VKORC1L1: variants seen among roughly 807,000 people sequenced by gnomAD.
VKORC1L1 encodes the protein vitamin K epoxide reductase complex subunit 1-like protein 1.
A neutral mutation model predicts 18.9 loss-of-function variants in VKORC1L1; 2 were observed. That is an observed-to-expected ratio of 0.11 (90% CI 0.04 to 0.33). The LOEUF (loss-of-function observed/expected upper bound fraction) is 0.33. Among genes scored for constraint, VKORC1L1 ranks in the 10% least tolerant of loss-of-function variants. The pLI, the probability that VKORC1L1 is intolerant of heterozygous loss-of-function variation, is 1.00. For synonymous variants in VKORC1L1, 96 were observed against 100.0 expected (o/e 0.96, Z 0.24); for missense variants, 123 against 224.1 (o/e 0.55, Z 2.88).
intron 1 of VKORC1L1, among the ~76,000 whole-genome samples, chr7:65,874,028 T>A (rs1304488303): frequency 6.6e-6 from 1 of 151,976 alleles, no homozygotes; most frequent in Admixed American, 6.5e-5. Flanking sequence ...AGCCGAGGCT[T>A]TGGGGCCGGC....
At chr7:65,895,731 C>T (rs1158886611) in intron 1 of VKORC1L1, among the ~76,000 whole-genome samples, 1 of 151,270 alleles carries the variant, frequency 6.6e-6, no homozygotes, top group Non-Finnish European at 1.5e-5. Context: ...AGCATCAGAT[C>T]ACTGGCACAG....
At chr7:65,927,226 G>A (rs1389130596) in intron 1 of VKORC1L1, among the ~76,000 whole-genome samples, 1 of 152,120 alleles carries the variant, frequency 6.6e-6, no homozygotes, top group African/African-American at 2.4e-5. Flanking sequence ...GACAAAGGTT[G>A]CAGTGAGCCA....
chr7:65,879,832 TTTTTC>T (rs1437907106), intron 1 of VKORC1L1, among the ~76,000 whole-genome samples: 11 of 151,788 alleles, frequency 7.2e-5, no homozygotes, highest in Non-Finnish European at 1.3e-4. Flanking sequence ...CTTTCCTTTT[TTTTTC>T]TTTCCTTTCT....
At chr7:65,875,418 A>T (rs1372273478) in intron 1 of VKORC1L1, among the ~76,000 whole-genome samples, 1 of 151,888 alleles carries the variant, frequency 6.6e-6, no homozygotes. Flanking sequence ...GCTGAAAGAC[A>T]CTTTTCTTTT....
chr7:65,941,767 C>T (rs1376412469), intron 1 of VKORC1L1, among the ~76,000 whole-genome samples: 3 of 144,520 alleles, frequency 2.1e-5, no homozygotes, highest in Non-Finnish European at 4.5e-5. Context: ...ACCTCTCCCT[C>T]TCGGGTTCAA....
At chr7:65,920,944 A>G (rs1194007918) in intron 1 of VKORC1L1, among the ~76,000 whole-genome samples, 1 of 152,140 alleles carries the variant, frequency 6.6e-6, no homozygotes, top group Non-Finnish European at 1.5e-5. Context: ...GAAGAAAGAA[A>G]GAAAGTTAAA....
chr7:65,871,671 A>G (rs762929728), upstream of VKORC1L1, among the ~76,000 whole-genome samples: 1 of 152,094 alleles, frequency 6.6e-6, no homozygotes, highest in South Asian at 2.1e-4. Flanking sequence ...AAGAGGTGCA[A>G]GTGGACAGGA....
At chr7:65,876,234 G>A (rs1348567558) in intron 1 of VKORC1L1, among the ~76,000 whole-genome samples, 5 of 152,070 alleles carry the variant, frequency 3.3e-5, no homozygotes, top group Non-Finnish European at 7.4e-5. Context: ...CAATTTGAAA[G>A]AACAGAATCT....
chr7:65,889,611 C>T (rs1338523253), intron 1 of VKORC1L1, among the ~76,000 whole-genome samples: 1 of 152,206 alleles, frequency 6.6e-6, no homozygotes, highest in East Asian at 1.9e-4. Flanking sequence ...AACCAACATT[C>T]CGGTCATTAA....
At chr7:65,874,880 C>T (rs2116317690) in intron 1 of VKORC1L1, among the ~76,000 whole-genome samples, 1 of 152,254 alleles carries the variant, frequency 6.6e-6, no homozygotes, top group Middle Eastern at 3.4e-3. Flanking sequence ...TTAGCATACA[C>T]TCTAAATATT....
At position 65,873,472 on chromosome 7, in the gene VKORC1L1, A is replaced by C; in HGVS notation, c.101A>C (p.Tyr34Ser). Residue 34 changes from tyrosine to serine, a missense_variant, in exon 1 of 3, where the codon TAC becomes TCC. Tyr to Ser is a moderately radical substitution (Grantham distance 144). This residue lies in a region of VKORC1L1 where 60 missense variants were observed against 76.9 expected (regional missense o/e 0.78). Coordinates refer to ENST00000360768, the MANE Select transcript of VKORC1L1 (RefSeq NM_173517.6). ...AAGILLSIYAYHVEREKERDP... is the reference protein window; with the variant it reads ...AAGILLSIYASHVEREKERDP... ...GGAATCCTGCTCTCCATCTACGCCT[A>C]CCACGTGGAGCGGGAGAAGGAGCGG... The C allele has an allele frequency of 6.3e-7, 1 of 1,595,100 alleles. No individual in the cohort carries two copies. Among genetic ancestry groups the C allele is most frequent in the Non-Finnish European group, 8.5e-7 (1 of 1,171,704 alleles).
At chr7:65,898,755 T>C (rs1224922901) in intron 1 of VKORC1L1, among the ~76,000 whole-genome samples, 1 of 152,196 alleles carries the variant, frequency 6.6e-6, no homozygotes, top group Non-Finnish European at 1.5e-5. Flanking sequence ...TGCTCAGTAG[T>C]GTAAAGTATA....
At chr7:65,882,999 G>A (rs1367535490) in intron 1 of VKORC1L1, among the ~76,000 whole-genome samples, 6 of 152,040 alleles carry the variant, frequency 3.9e-5, no homozygotes, top group African/African-American at 1.4e-4. Context: ...ATTCATCTTT[G>A]TGAATCCGGT....
intron 1 of VKORC1L1, among the ~76,000 whole-genome samples, chr7:65,890,821 T>TA (rs2116359662): frequency 6.6e-6 from 1 of 152,320 alleles, no homozygotes; most frequent in South Asian, 2.1e-4. Context: ...TTTTTGTGTG[T>TA]AACTGAGGTA....
At chr7:65,880,515 G>A (rs1035846884) in intron 1 of VKORC1L1, among the ~76,000 whole-genome samples, 1 of 152,070 alleles carries the variant, frequency 6.6e-6, no homozygotes, top group Non-Finnish European at 1.5e-5. Flanking sequence ...GGAGGGAGGG[G>A]GAGGGAAAAG....
intron 1 of VKORC1L1, among the ~76,000 whole-genome samples, chr7:65,905,629 T>C (rs1208998078): frequency 6.6e-6 from 1 of 152,138 alleles, no homozygotes. Flanking sequence ...TTTTAAATAA[T>C]ATGAGTATTC....
chr7:65,920,902 A>G (rs899920161), intron 1 of VKORC1L1, among the ~76,000 whole-genome samples: 10 of 148,966 alleles, frequency 6.7e-5, no homozygotes, highest in South Asian at 2.2e-4. Context: ...AGGAGAAAGG[A>G]AAGAGAAAGA....
intron 1 of VKORC1L1, among the ~76,000 whole-genome samples, chr7:65,882,415 CAAAAA>C (rs34950335): frequency 8.1e-6 from 1 of 123,990 alleles, no homozygotes; most frequent in Non-Finnish European, 1.7e-5. Context: ...AGTAAAAAAG[CAAAAA>C]AAAAAAAAAA....
chr7:65,903,440 C>A (rs1402099767), intron 1 of VKORC1L1, among the ~76,000 whole-genome samples: 1 of 152,146 alleles, frequency 6.6e-6, no homozygotes, highest in Non-Finnish European at 1.5e-5. Context: ...GCTGGGATTA[C>A]AGGTATGAGC....
Sources: gnomAD v4.1 joint callset for allele counts (sites outside exome capture counted in the v4.1 genomes callset) on GRCh38, gnomAD v4.1.1 for gene constraint, gnomAD v4.1.1 regional missense constraint, MANE v1.5 for transcripts, NCBI Gene and HGNC (gene_info 2026-07-23, HGNC 2026-07-21) for gene names.